The following TMED10 variants were observed in gnomAD, a reference collection of about 807,000 sequenced individuals.
The protein encoded by TMED10 is transmembrane p24 trafficking protein 10, also known as transmembrane emp24 domain-containing protein 10.
TMED10 carries 7 observed loss-of-function variants against 23.1 expected under a neutral mutation model. The observed-to-expected ratio is 0.30, with a 90% confidence interval of 0.17 to 0.57. The LOEUF is 0.57. TMED10 is among the 20% of genes least tolerant of loss of function. The pLI, the probability that TMED10 is intolerant of heterozygous loss-of-function variation, is 0.91. For missense variants in TMED10, 162 were observed against 274.8 expected (o/e 0.59, Z 2.90); for synonymous variants, 113 against 106.9 (o/e 1.06, Z -0.35).
intron 1 of TMED10, among the ~76,000 whole-genome samples, chr14:75,155,433 T>C (rs1366262244): frequency 6.6e-6 from 1 of 152,216 alleles, no homozygotes; most frequent in Non-Finnish European, 1.5e-5. Context: ...TGGTTAGTGA[T>C]ACTGGGGAAC....
chr14:75,172,892 A>G (rs1014305546), intron 1 of TMED10, among the ~76,000 whole-genome samples: 2 of 151,944 alleles, frequency 1.3e-5, no homozygotes, highest in Admixed American at 6.6e-5. Context: ...TGGCTGGTGA[A>G]ATTTTTTTTT....
intron 1 of TMED10, among the ~76,000 whole-genome samples, chr14:75,154,472 A>C (rs1895997788): frequency 6.6e-6 from 1 of 150,428 alleles, no homozygotes; most frequent in South Asian, 2.1e-4. Context: ...AATAATAATA[A>C]AGTTATTTTA....
chr14:75,148,542 C>A (rs906686058), intron 2 of TMED10, among the ~76,000 whole-genome samples: 5 of 151,926 alleles, frequency 3.3e-5, no homozygotes, highest in African/African-American at 9.7e-5. Context: ...AGGAAAAGAC[C>A]CAAGGAGCCC....
intron 3 of TMED10, among the ~76,000 whole-genome samples, chr14:75,136,620 A>G (rs1895752858): frequency 6.6e-6 from 1 of 152,234 alleles, no homozygotes; most frequent in African/African-American, 2.4e-5. Flanking sequence ...TAGGAATGTG[A>G]GCATGTGTTG....
chr14:75,135,482 A>G (rs1895738216), intron 4 of TMED10, among the ~76,000 whole-genome samples: 1 of 152,176 alleles, frequency 6.6e-6, no homozygotes, highest in African/African-American at 2.4e-5. Context: ...ATTATCCTAT[A>G]TATAAATGTT....
At chr14:75,164,541 A>ATT (rs1282366549) in intron 1 of TMED10, among the ~76,000 whole-genome samples, 3 of 7,026 alleles carry the variant, frequency 4.3e-4, no homozygotes, top group African/African-American at 1.3e-3. Context: ...TAATATATAT[A>ATT]TATATATATA....
intron 1 of TMED10, among the ~76,000 whole-genome samples, chr14:75,163,603 T>C (rs1209611962): frequency 6.6e-6 from 1 of 151,570 alleles, no homozygotes; most frequent in Admixed American, 6.6e-5. Context: ...TAGCTAGCCT[T>C]TTCTCTCTCT....
chr14:75,167,359 C>G (rs1896177627), intron 1 of TMED10, among the ~76,000 whole-genome samples: 1 of 151,860 alleles, frequency 6.6e-6, no homozygotes, highest in Admixed American at 6.6e-5. Context: ...AGCATATATA[C>G]CATCTTTTCC....
Position 75,133,649 on chromosome 14 carries a change from T to A in TMED10, c.*1236A>T. 1 of 155,916 alleles carries A rather than the reference T, an allele frequency of 6.4e-6. No individual in the cohort carries two copies. The highest frequency in any genetic ancestry group is 1.8e-4 in the South Asian group (1 of 5,636). The allele number at this position is 155,916 out of a possible 1,614,324, so 9.7% of individuals were successfully genotyped here. A position where few individuals can be genotyped will look rare whatever the true frequency, so the allele number is the denominator to read the frequency against. Reference sequence around the variant, plus strand: ...CCATACAACCCAACAGTTGCCCTTTTGAGCATTTATCCCAGAAAATGAAAA... The same window carrying A: ...CCATACAACCCAACAGTTGCCCTTTAGAGCATTTATCCCAGAAAATGAAAA... On this transcript the variant is annotated 3_prime_UTR_variant, in exon 5 of 5. Coordinates refer to ENST00000303575, the MANE Select transcript of TMED10 (RefSeq NM_006827.6).
intron 1 of TMED10, among the ~76,000 whole-genome samples, chr14:75,165,650 A>G (rs749965950): frequency 6.6e-6 from 1 of 152,236 alleles, no homozygotes; most frequent in Non-Finnish European, 1.5e-5. Context: ...AAAAGCATGT[A>G]CAAAGTCTAT....
intron 1 of TMED10, among the ~76,000 whole-genome samples, chr14:75,163,863 G>A (rs1414524448): frequency 6.6e-6 from 1 of 151,898 alleles, no homozygotes; most frequent in East Asian, 1.9e-4. Context: ...GGGCTCAAGA[G>A]ATCCTCTTGT....
chr14:75,156,953 AAAG>A (rs940344187), intron 1 of TMED10, among the ~76,000 whole-genome samples: 2 of 151,878 alleles, frequency 1.3e-5, no homozygotes, highest in African/African-American at 4.8e-5. Context: ...AAAGAAAAGA[AAAG>A]AAAAACTATC....
chr14:75,151,593 C>CCATATCCCCCTTCCTCTTACATATG, intron 2 of TMED10, among the ~76,000 whole-genome samples: 1 of 152,178 alleles, frequency 6.6e-6, no homozygotes, highest in Non-Finnish European at 1.5e-5. Flanking sequence ...CAAAGATTTC[C>CCATATCCCCCTTCCTCTTACATATG]CATATCCCCC....
At chr14:75,160,140 C>T (rs1896069322) in intron 1 of TMED10, among the ~76,000 whole-genome samples, 1 of 152,182 alleles carries the variant, frequency 6.6e-6, no homozygotes, top group Admixed American at 6.6e-5. Context: ...GGGGCTCACT[C>T]ATATGGCCTG....
In TMED10 at chr14:75,153,777, C is replaced by CTTTTTTTTTTT. The variant is rs59328978; in HGVS notation, c.226-1645_226-1635dup. Among the ~76,000 whole-genome samples the CTTTTTTTTTTT allele has an allele frequency of 2.9e-4, 38 of 131,774 alleles. 2 individuals are homozygous for CTTTTTTTTTTT. Among genetic ancestry groups the CTTTTTTTTTTT allele is most frequent in the Non-Finnish European group, 3.8e-4 (24 of 63,440 alleles). The allele number at this position is 131,774 out of a possible 152,430, so 86.4% of individuals were successfully genotyped here. ...GGTGAGACTTTCTATTTTTTTTTCC[C>CTTTTTTTTTTT]TTTTTTTTTTTGAAATGGAGTCTCA... On this transcript the variant is annotated intron_variant, in intron 1 of 4. Transcript: ENST00000303575.
intron 1 of TMED10, among the ~76,000 whole-genome samples, chr14:75,159,590 T>A (rs1896062672): frequency 6.6e-6 from 1 of 152,224 alleles, no homozygotes. Context: ...ACAGTGTCCT[T>A]CAAAAACTTT....
chr14:75,141,788 T>C (rs567899713), intron 3 of TMED10, among the ~76,000 whole-genome samples: 22 of 152,340 alleles, frequency 1.4e-4, no homozygotes, highest in African/African-American at 5.3e-4. Flanking sequence ...CAAGGATCTA[T>C]ATAAGTTGTC....
In TMED10 at chr14:75,137,724, T is replaced by TTTA. The variant is rs1895770936; in HGVS notation, c.412-1839_412-1838insTAA. Among the ~76,000 whole-genome samples, 10 of 135,036 alleles carry TTTA rather than the reference T, an allele frequency of 7.4e-5. No individual in the cohort carries two copies. The South Asian group carries it at 2.1e-3, about 29-fold the overall frequency. 88.6% of individuals were successfully genotyped at this position (135,036 alleles called of 152,430 possible). A position where few individuals can be genotyped will look rare whatever the true frequency, so the allele number is the denominator to read the frequency against. The stretch of plus-strand genomic sequence containing the variant: ...TCTTTCTTTCTTTTTTTTTTTTTTT[T>TTTA]AAGGATGGAGTCTCACTCTGTTGCC... On this transcript the variant is annotated intron_variant, in intron 3 of 4. Coordinates refer to ENST00000303575, the MANE Select transcript of TMED10 (RefSeq NM_006827.6).
chr14:75,176,213 G>T, intron 1 of TMED10, 142 bp downstream of exon 1: 1 of 1,001,300 alleles, frequency 1.0e-6, no homozygotes. Flanking sequence ...GTGAGGGGGC[G>T]GGCTCCACCG....
Sources: allele counts gnomAD v4.1 joint callset (sites outside exome capture counted in the v4.1 genomes callset), GRCh38; gene constraint gnomAD v4.1.1; transcripts MANE v1.5; gene names NCBI Gene and HGNC (gene_info 2026-07-23, HGNC 2026-07-21).